ANKS1B: variants seen among roughly 807,000 people sequenced by gnomAD.
ANKS1B encodes ankyrin repeat and sterile alpha motif domain-containing protein 1B.
In ANKS1B, 36 loss-of-function variants were observed where a neutral mutation model predicts 148.3. That is an observed-to-expected ratio of 0.24 (90% CI 0.19 to 0.32). The LOEUF (loss-of-function observed/expected upper bound fraction) is 0.32, where lower values mean the gene tolerates loss of function less well. Ranked by LOEUF, ANKS1B falls within the 10% of genes least tolerant of loss-of-function variation. ANKS1B has a pLI of 1.00. For missense variants in ANKS1B, 1,157 were observed against 1,542.6 expected (o/e 0.75, Z 4.19); for synonymous variants, 542 against 560.8 (o/e 0.97, Z 0.47).
At chr12:99,934,604 C>T (rs2094710915) in intron 1 of ANKS1B, among the ~76,000 whole-genome samples, 1 of 152,090 alleles carries the variant, frequency 6.6e-6, no homozygotes, top group Non-Finnish European at 1.5e-5. Context: ...CTGCAGTATA[C>T]ATCATAATGT....
At chr12:99,870,402 T>C (rs949240681) in intron 1 of ANKS1B, among the ~76,000 whole-genome samples, 2 of 152,252 alleles carry the variant, frequency 1.3e-5, no homozygotes, top group Admixed American at 6.5e-5. Context: ...AATGAACATA[T>C]GATTGCATGT....
intron 8 of ANKS1B, among the ~76,000 whole-genome samples, chr12:99,660,363 CTT>C (rs71088137): frequency 1.2e-4 from 14 of 120,564 alleles, no homozygotes; most frequent in Admixed American, 1.9e-4. Context: ...TTTTCTTTTT[CTT>C]TTTTTTTTTT....
chr12:99,288,517 A>G (rs2079452802), intron 12 of ANKS1B, among the ~76,000 whole-genome samples: 1 of 152,204 alleles, frequency 6.6e-6, no homozygotes, highest in South Asian at 2.1e-4. Flanking sequence ...CAAACACGTA[A>G]TATTAGAACA....
chr12:99,891,080 T>C (rs2153747826), intron 1 of ANKS1B, among the ~76,000 whole-genome samples: 1 of 152,344 alleles, frequency 6.6e-6, no homozygotes, highest in East Asian at 1.9e-4. Flanking sequence ...AAGCATAATG[T>C]TTTTGAAGTT....
chr12:98,745,953 G>T, intron 26 of ANKS1B, 104 bp from the exon 27 acceptor site: 2 of 1,271,262 alleles, frequency 1.6e-6, no homozygotes, highest in Non-Finnish European at 1.1e-6. Context: ...CGCCCCAGGC[G>T]CGGGGCGGCG....
At chr12:98,841,437 A>G (rs1407555244) in intron 17 of ANKS1B, among the ~76,000 whole-genome samples, 1 of 152,168 alleles carries the variant, frequency 6.6e-6, no homozygotes, top group Admixed American at 6.6e-5. Context: ...CTTTAATGGC[A>G]TATAACACCC....
chr12:99,203,145 C>T (rs556908992), intron 14 of ANKS1B, among the ~76,000 whole-genome samples: 1 of 152,298 alleles, frequency 6.6e-6, no homozygotes, highest in East Asian at 1.9e-4. Context: ...CTACACCTAC[C>T]TTGACTCAAA....
chr12:99,201,704 A>C (rs937023167), intron 14 of ANKS1B, among the ~76,000 whole-genome samples: 3 of 152,194 alleles, frequency 2.0e-5, no homozygotes, highest in Non-Finnish European at 4.4e-5. Flanking sequence ...AGTCTTTCTT[A>C]GTAAATGTTT....
intron 9 of ANKS1B, among the ~76,000 whole-genome samples, chr12:99,514,594 C>T (rs560158897): frequency 6.6e-6 from 1 of 152,122 alleles, no homozygotes; most frequent in African/African-American, 2.4e-5. Context: ...GTGACTTGTC[C>T]AATATTAAGC....
intron 14 of ANKS1B, among the ~76,000 whole-genome samples, chr12:99,244,058 A>G (rs1459755967): frequency 1.3e-5 from 2 of 150,036 alleles, no homozygotes; most frequent in African/African-American, 5.0e-5. Context: ...AGTTTGAAAT[A>G]TATTTAAATT....
chr12:99,184,550 T>C (rs1177176803), intron 14 of ANKS1B, among the ~76,000 whole-genome samples: 1 of 152,246 alleles, frequency 6.6e-6, no homozygotes, highest in Admixed American at 6.5e-5. Flanking sequence ...ATCTTGTCTA[T>C]CTATAGATTA....
At chr12:99,601,106 A>G (rs1205415443) in intron 9 of ANKS1B, among the ~76,000 whole-genome samples, 4 of 152,056 alleles carry the variant, frequency 2.6e-5, no homozygotes, top group Non-Finnish European at 5.9e-5. Flanking sequence ...TGCTTTCTGT[A>G]TATGTTATAT....
chr12:99,180,250 A>G (rs1187652888), intron 14 of ANKS1B, among the ~76,000 whole-genome samples: 1 of 152,148 alleles, frequency 6.6e-6, no homozygotes, highest in African/African-American at 2.4e-5. Flanking sequence ...GGCATTTTAA[A>G]CTTTTGATAC....
chr12:99,077,841 A>G (rs976329411), intron 16 of ANKS1B, among the ~76,000 whole-genome samples: 1 of 152,204 alleles, frequency 6.6e-6, no homozygotes, highest in African/African-American at 2.4e-5. Context: ...AGAATGTCAC[A>G]TTCCTAATAC....
intron 9 of ANKS1B, among the ~76,000 whole-genome samples, chr12:99,605,090 C>A (rs189981034): frequency 2.4e-4 from 36 of 152,024 alleles, no homozygotes; most frequent in Non-Finnish European, 3.8e-4. Flanking sequence ...CCAAATTGTA[C>A]TTTTGCTTCA....
chr12:98,922,236 C>A (rs895139064), intron 17 of ANKS1B, among the ~76,000 whole-genome samples: 2 of 152,140 alleles, frequency 1.3e-5, no homozygotes, highest in African/African-American at 2.4e-5. Context: ...TTAGAATATA[C>A]GTACTTTGTT....
At chr12:99,379,415 A>G (rs1394779482) in intron 12 of ANKS1B, among the ~76,000 whole-genome samples, 1 of 152,246 alleles carries the variant, frequency 6.6e-6, no homozygotes, top group Non-Finnish European at 1.5e-5. Flanking sequence ...TAAATCAGAC[A>G]TGACAATAGT....
At chr12:99,338,145 C>A (rs550279917) in intron 12 of ANKS1B, among the ~76,000 whole-genome samples, 1 of 152,276 alleles carries the variant, frequency 6.6e-6, no homozygotes, top group African/African-American at 2.4e-5. Context: ...CAGGATGGGT[C>A]CAGAAATGCT....
rs3049844 is a variant in ANKS1B at position 98,800,675 on chromosome 12, GAT to G, written c.3270+320_3270+321del. Among the ~76,000 whole-genome samples, 14 of 99,690 alleles carry G rather than the reference GAT, an allele frequency of 1.4e-4. 2 individuals carry two copies. The highest frequency in any genetic ancestry group is 2.4e-4 in the African/African-American group (7 of 29,518). The allele number at this position is 99,690 out of a possible 152,430, so 65.4% of individuals were successfully genotyped here. On this transcript the variant is annotated intron_variant, in intron 21 of 26. Transcript: ENST00000683438. ...ACCCAGTGTTTGGTGAGTGAGCAGA[GAT>G]ATATATATATATATGCCATATTTAC...
Sources: allele counts gnomAD v4.1 joint callset (sites outside exome capture counted in the v4.1 genomes callset), GRCh38; gene constraint gnomAD v4.1.1; transcripts MANE v1.5; gene names NCBI Gene and HGNC (gene_info 2026-07-23, HGNC 2026-07-21).